The following COL3A1 variants were observed in gnomAD, a reference collection of about 807,000 sequenced individuals.
COL3A1 encodes collagen type III alpha 1 chain, also known as collagen alpha-1(III) chain.
In COL3A1, 46 loss-of-function variants were observed where a neutral mutation model predicts 200.9. That is an observed-to-expected ratio of 0.23 (90% confidence interval 0.18 to 0.29). The LOEUF is 0.29. Ranked by LOEUF, COL3A1 falls within the 10% of genes least tolerant of loss-of-function variation. The pLI is 1.00. For missense variants in COL3A1, 1,367 were observed against 1,917.6 expected (o/e 0.71, Z 5.36); for synonymous variants, 650 against 628.0 (o/e 1.03, Z -0.52).
intron 8 of COL3A1, among the ~76,000 whole-genome samples, chr2:188,989,858 CT>C (rs1335211204): frequency 6.6e-6 from 1 of 152,104 alleles, no homozygotes; most frequent in Admixed American, 6.6e-5. Flanking sequence ...ATTCTTTTCA[CT>C]GGCTTATGTT....
At chr2:188,996,960 G>A (rs550228312) in intron 24 of COL3A1, among the ~76,000 whole-genome samples, 11 of 152,088 alleles carry the variant, frequency 7.2e-5, no homozygotes, top group African/African-American at 2.7e-4. Context: ...CTGCACTCCA[G>A]CCTGGGCGAC....
In COL3A1 at chr2:189,006,925, T is replaced by A. The variant is rs2153503779; in HGVS notation, c.3202-12T>A. On this transcript the variant is annotated splice_polypyrimidine_tract_variant and intron_variant, in intron 43 of 50. Transcript: ENST00000304636. ...CCGTGTATGTCTTCTCAATTGAATG[T>A]TTTCATCTTAGGGCCCTGCTGGCCC... 1 of 1,613,236 alleles carries A rather than the reference T, an allele frequency of 6.2e-7. No homozygotes were observed. The highest frequency in any genetic ancestry group is 2.2e-5 in the East Asian group (1 of 44,824).
At chr2:189,011,600 A>T (rs145798954) in intron 50 of COL3A1, 28 bp from the exon 51 acceptor site, 1 of 1,613,800 alleles carries the variant, frequency 6.2e-7, no homozygotes, top group Admixed American at 1.7e-5. Context: ...TAATGTCATG[A>T]TCATGTACAT....
intron 15 of COL3A1, 113 bp from the exon 16 acceptor site, chr2:188,993,248 A>G (rs1183429530): frequency 1.4e-5 from 12 of 854,904 alleles, no homozygotes; most frequent in Non-Finnish European, 2.0e-5. Context: ...CCTGCAGTAT[A>G]GAGTCCCACT....
intron 1 of COL3A1, among the ~76,000 whole-genome samples, chr2:188,980,583 C>CT: frequency 6.8e-6 from 1 of 147,822 alleles, no homozygotes; most frequent in South Asian, 2.2e-4. Flanking sequence ...AATTTATCAA[C>CT]TTTTTTTCCT....
Position 188,996,972 on chromosome 2 carries a change from G to C in COL3A1, c.1762-193G>C, listed in dbSNP as rs867876631. Reference sequence around the variant, plus strand: ...CCACTGCACTCCAGCCTGGGCGACAGAGCAAGACTCAGTCTCAAAAATATG... The same window carrying C: ...CCACTGCACTCCAGCCTGGGCGACACAGCAAGACTCAGTCTCAAAAATATG... On this transcript the variant is annotated intron_variant, in intron 24 of 50. Coordinates refer to ENST00000304636, the MANE Select transcript of COL3A1 (RefSeq NM_000090.4). Among the ~76,000 whole-genome samples the C allele has an allele frequency of 3.1e-4, 47 of 151,070 alleles. 1 individual carries two copies. The highest frequency in any genetic ancestry group is 1.1e-3 in the African/African-American group (46 of 40,822).
chr2:188,997,479 T>A, intron 26 of COL3A1, 90 bp downstream of exon 26: 1 of 1,324,840 alleles, frequency 7.5e-7, no homozygotes, highest in African/African-American at 1.5e-5. Flanking sequence ...TCTGACACCA[T>A]GTTGTTACAG....
chr2:188,985,318 G>A, intron 3 of COL3A1, 71 bp downstream of exon 3: 1 of 1,264,402 alleles, frequency 7.9e-7, no homozygotes, highest in South Asian at 1.2e-5. Flanking sequence ...GCTTTTTCTA[G>A]ATTTGAGCTT....
intron 44 of COL3A1, among the ~76,000 whole-genome samples, chr2:189,007,202 GATAGATA>G (rs1688613615): frequency 7.5e-6 from 1 of 132,468 alleles, no homozygotes; most frequent in Non-Finnish European, 1.6e-5. Flanking sequence ...TAGATAGATA[GATAGATA>G]GAACAAATAT....
chr2:188,983,671 T>C (rs1400474069), intron 1 of COL3A1, among the ~76,000 whole-genome samples: 3 of 151,918 alleles, frequency 2.0e-5, no homozygotes, highest in African/African-American at 7.2e-5. Context: ...CAGGCCTCTT[T>C]CAATAGACAT....
In COL3A1 at chr2:188,985,350, A is replaced by G. The variant is rs1210746192; in HGVS notation, c.333+103A>G. 3 of 912,144 alleles carry G rather than the reference A, an allele frequency of 3.3e-6. No homozygotes were observed. In the African/African-American group the frequency reaches 5.0e-5, roughly 15 times the overall value. 56.5% of individuals were successfully genotyped at this position (912,144 alleles called of 1,614,324 possible). A position where few individuals can be genotyped will look rare whatever the true frequency, so the allele number is the denominator to read the frequency against. On this transcript the variant is annotated intron_variant, in intron 3 of 50. Coordinates refer to ENST00000304636, the MANE Select transcript of COL3A1 (RefSeq NM_000090.4). ...GCTTTCATCATACATTCTCTTCATT[A>G]CCACATATTTGAATAATGGCACCAA...
chr2:188,995,873 T>C, intron 22 of COL3A1, 83 bp downstream of exon 22: 1 of 1,213,228 alleles, frequency 8.2e-7, no homozygotes, highest in Non-Finnish European at 1.2e-6. Flanking sequence ...AAAAGCAACT[T>C]AAATCAATCA....
chr2:189,010,314 T>C lies in COL3A1; in HGVS notation c.3960T>C (p.Ser1320=). The C allele has an allele frequency of 6.2e-7, 1 of 1,614,180 alleles. No individual in the cohort carries two copies. Among genetic ancestry groups the C allele is most frequent in the Non-Finnish European group, 8.5e-7 (1 of 1,180,006 alleles). ...GGAAACACTGGTGGACAGATTCTAGTGCTGAGAAGAAACACGTTTGGTTTG... is the reference window on the plus strand; with the variant it reads ...GGAAACACTGGTGGACAGATTCTAGCGCTGAGAAGAAACACGTTTGGTTTG... The part of the protein sequence containing the change: ...VPRKHWWTDS[S]AEKKHVWFGE... Residue 1320 remains serine (S), a synonymous_variant, in exon 49 of 51, where the codon AGT becomes AGC. Coordinates refer to ENST00000304636, the MANE Select transcript of COL3A1 (RefSeq NM_000090.4).
chr2:189,004,088 A>C lies in COL3A1; in HGVS notation c.2768A>C (p.Lys923Thr). The change falls in exon 39 of 51, where the codon AAA (lysine) becomes ACA (threonine). Residue 923 changes from lysine (K) to threonine (T), a missense_variant. Transcript: ENST00000304636. ...APGSPGVSGP[K>T]GDAGQPGEKG... is the part of the protein sequence containing the mutation. ...GGCAGCCCTGGAGTGTCTGGACCAAAAGGTGATGCTGGCCAACCAGGAGAG... is the reference window on the plus strand; with the variant it reads ...GGCAGCCCTGGAGTGTCTGGACCAACAGGTGATGCTGGCCAACCAGGAGAG... The C allele has an allele frequency of 6.2e-7, 1 of 1,613,724 alleles. No individual in the cohort carries two copies. The highest frequency in any genetic ancestry group is 1.1e-5 in the South Asian group (1 of 91,052).
chr2:188,991,383 C>A, intron 11 of COL3A1, 104 bp from the exon 12 acceptor site: 1 of 736,860 alleles, frequency 1.4e-6, no homozygotes, highest in Non-Finnish European at 2.2e-6. Flanking sequence ...AAATGTATAT[C>A]TTTTTCTAGG....
At chr2:189,001,634 G>T in intron 34 of COL3A1, 45 bp downstream of exon 34, 1 of 1,604,894 alleles carries the variant, frequency 6.2e-7, no homozygotes, top group Non-Finnish European at 8.5e-7. Context: ...ACCCCATACA[G>T]ACAGTAGCTA....
At chr2:188,991,416 T>C in intron 11 of COL3A1, 71 bp from the exon 12 acceptor site, 2 of 1,002,122 alleles carry the variant, frequency 2.0e-6, no homozygotes, top group Non-Finnish European at 2.9e-6. Flanking sequence ...TTCCATAATA[T>C]TCTGTATTTA....
chr2:188,976,343 CCTCTTT>C (rs1559049646), intron 1 of COL3A1, among the ~76,000 whole-genome samples: 1 of 151,936 alleles, frequency 6.6e-6, no homozygotes, highest in Admixed American at 6.6e-5. Context: ...TGTTTATTTC[CCTCTTT>C]CTCTTTAGAT....
At chr2:189,007,024 T>A in intron 44 of COL3A1, 34 bp downstream of exon 44, 1 of 1,596,690 alleles carries the variant, frequency 6.3e-7, no homozygotes, top group Non-Finnish European at 8.6e-7. Context: ...TTATTTTGTT[T>A]TGTTCTTTTT....
Sources: allele counts gnomAD v4.1 joint callset (sites outside exome capture counted in the v4.1 genomes callset), GRCh38; gene constraint gnomAD v4.1.1; transcripts MANE v1.5; gene names NCBI Gene and HGNC (gene_info 2026-07-23, HGNC 2026-07-21).